Variants in ABHD6 observed in about 807,000 individuals in gnomAD.
ABHD6 encodes abhydrolase domain containing 6, acylglycerol lipase.
ABHD6 carries 33 observed loss-of-function variants against 38.8 expected under a neutral mutation model. That is an observed-to-expected ratio of 0.85 (90% CI 0.64 to 1.14). The LOEUF (loss-of-function observed/expected upper bound fraction) is 1.14, where lower values mean the gene tolerates loss of function less well. ABHD6 is among the 50% of genes most tolerant of loss of function. The pLI is 0.00. For missense variants in ABHD6, 380 were observed against 422.6 expected, an observed-to-expected ratio of 0.90 and a Z score of 0.88; for synonymous variants, 147 against 161.6, an observed-to-expected ratio of 0.91 and a Z score of 0.69.
chr3:58,290,828 G>C (rs953842821), intron 9 of ABHD6, among the ~76,000 whole-genome samples: 1 of 150,194 alleles, frequency 6.7e-6, no homozygotes, highest in Non-Finnish European at 1.5e-5. Flanking sequence ...GATGGCGGCC[G>C]GGAAGAGGCG....
chr3:58,271,764 C>CTTTT (rs1302501356), intron 6 of ABHD6, among the ~76,000 whole-genome samples: 5 of 78,112 alleles, frequency 6.4e-5, no homozygotes, highest in African/African-American at 9.4e-5. Flanking sequence ...CCCCCTCTCT[C>CTTTT]TGTTTTTTTT....
chr3:58,283,021 A>G (rs566828854), intron 7 of ABHD6, among the ~76,000 whole-genome samples: 1 of 152,310 alleles, frequency 6.6e-6, no homozygotes, highest in East Asian at 1.9e-4. Context: ...AGGCTTCATA[A>G]CCCCAAATTA....
rs2097435282 is a variant in ABHD6 at position 58,259,129 on chromosome 3, C to T, written c.119+2424C>T. ...GAGAGAACACAATTCACTGATGTGG[C>T]TCGTAACCATGGATATGGTCACATA... is the stretch of plus-strand genomic sequence containing the variant. On this transcript the variant is annotated intron_variant, in intron 3 of 9. Coordinates refer to ENST00000478253, the MANE Select transcript of ABHD6 (RefSeq NM_001320126.2). The surrounding 1 kb of genome is among the most constrained non-coding windows in gnomAD (Gnocchi z 4.7). Among the ~76,000 whole-genome samples, 1 of 152,144 alleles carries T rather than the reference C, an allele frequency of 6.6e-6. No individual in the cohort carries two copies. The highest frequency in any genetic ancestry group is 1.5e-5 in the Non-Finnish European group (1 of 68,042).
intron 2 of ABHD6, among the ~76,000 whole-genome samples, chr3:58,255,418 A>C (rs2097432561): frequency 6.6e-6 from 1 of 151,224 alleles, no homozygotes; most frequent in Non-Finnish European, 1.5e-5. Flanking sequence ...TCTTGTATCC[A>C]TGTGTACATG....
rs572637157 is a variant in ABHD6 at position 58,257,781 on chromosome 3, TG to T, written c.119+1077del. Among the ~76,000 whole-genome samples the T allele has an allele frequency of 5.7e-4, 86 of 152,210 alleles. No individual in the cohort carries two copies. Among genetic ancestry groups the T allele is most frequent in the Non-Finnish European group, 1.1e-3 (72 of 68,044 alleles). On this transcript the variant is annotated intron_variant, in intron 3 of 9. Transcript: ENST00000478253. The surrounding 1 kb of genome is among the most constrained non-coding windows in gnomAD (Gnocchi z 4.8). ...GTTTAGGACAGAATGCTTTTAGAGT[TG>T]TTCTAGAAGTGTTCATTAGTAAAGA...
intron 7 of ABHD6, among the ~76,000 whole-genome samples, chr3:58,281,257 C>T (rs750700226): frequency 2.0e-5 from 3 of 152,214 alleles, no homozygotes; most frequent in African/African-American, 7.2e-5. Flanking sequence ...TTGCCGAGTT[C>T]GAGCTTCCAG....
intron 6 of ABHD6, among the ~76,000 whole-genome samples, chr3:58,271,598 A>C (rs1312832310): frequency 8.0e-4 from 121 of 152,066 alleles, no homozygotes; most frequent in Non-Finnish European, 1.8e-4. Context: ...TAGTTTCTCT[A>C]CTGTTATATG....
chr3:58,256,779 G>T lies in ABHD6; in HGVS notation c.119+74G>T. ...ATCTTCTCTGCTTGTCCTTTTTGTG[G>T]TTATTGTCCAACATTTTATCAGGAA... On this transcript the variant is annotated intron_variant, in intron 3 of 9. Coordinates refer to ENST00000478253, the MANE Select transcript of ABHD6 (RefSeq NM_001320126.2). This position sits in a 1 kb window ranked among gnomAD's most constrained non-coding sequence, Gnocchi z 4.3. The T allele has an allele frequency of 8.3e-7, 1 of 1,204,068 alleles. No individual in the cohort carries two copies. The highest frequency in any genetic ancestry group is 1.2e-6 in the Non-Finnish European group (1 of 831,174). 74.6% of individuals were successfully genotyped at this position (1,204,068 alleles called of 1,614,324 possible).
intron 2 of ABHD6, among the ~76,000 whole-genome samples, chr3:58,253,087 G>A (rs969897358): frequency 6.6e-6 from 1 of 152,104 alleles, no homozygotes; most frequent in Non-Finnish European, 1.5e-5. Flanking sequence ...TTATTCTGCT[G>A]TTAAATAGAA....
intron 9 of ABHD6, among the ~76,000 whole-genome samples, chr3:58,289,033 G>GT (rs1335167844): frequency 1.3e-5 from 2 of 152,076 alleles, no homozygotes; most frequent in East Asian, 3.9e-4. Flanking sequence ...TTTGATTTTT[G>GT]TTTTTTGTTG....
chr3:58,250,311 C>T (rs1339214719), intron 2 of ABHD6, among the ~76,000 whole-genome samples: 2 of 152,040 alleles, frequency 1.3e-5, no homozygotes, highest in African/African-American at 4.8e-5. Context: ...TGCTCTACAC[C>T]AAGGGGTCAG....
chr3:58,286,852 G>GTATATATATATATATGTATATA (rs2097457594), intron 9 of ABHD6, among the ~76,000 whole-genome samples: 2 of 70,624 alleles, frequency 2.8e-5, no homozygotes, highest in African/African-American at 4.7e-5. Context: ...GTGTGTGTGT[G>GTATATATATATATATGTATATA]TATATATATA....
intron 9 of ABHD6, among the ~76,000 whole-genome samples, chr3:58,288,282 C>T (rs767476919): frequency 6.6e-6 from 1 of 152,198 alleles, no homozygotes; most frequent in Non-Finnish European, 1.5e-5. Flanking sequence ...TCTTTGGACC[C>T]CTGTAGGCTG....
intron 2 of ABHD6, among the ~76,000 whole-genome samples, chr3:58,254,396 C>G (rs1161230451): frequency 1.3e-5 from 2 of 152,204 alleles, no homozygotes; most frequent in African/African-American, 4.8e-5. Flanking sequence ...GCTTTCTCAT[C>G]CAGTGGCAGA....
rs1476869685 is a variant in ABHD6 at position 58,274,687 on chromosome 3, G to A, written c.553G>A (p.Val185Ile). The A allele has an allele frequency of 6.2e-7, 1 of 1,614,104 alleles. No homozygotes were observed. Among genetic ancestry groups the A allele is most frequent in the Non-Finnish European group, 8.5e-7 (1 of 1,180,040 alleles). ...GCAGTACTCAACTGACAATCAATTT[G>A]TACAACGGCTCAAAGAACTGCAGGG... ...GLQYSTDNQF[V>I]QRLKELQGSA... Residue 185 changes from valine to isoleucine, a missense_variant, in exon 7 of 10, where the codon GTA becomes ATA. Coordinates refer to ENST00000478253, the MANE Select transcript of ABHD6 (RefSeq NM_001320126.2).
intron 7 of ABHD6, among the ~76,000 whole-genome samples, chr3:58,279,729 G>A (rs916801925): frequency 3.9e-5 from 6 of 152,120 alleles, no homozygotes; most frequent in Non-Finnish European, 5.9e-5. Context: ...GGCTCATACC[G>A]GTTGTTCCTT....
intron 9 of ABHD6, among the ~76,000 whole-genome samples, chr3:58,286,876 G>GTGTA (rs1559784545): frequency 1.7e-4 from 7 of 42,100 alleles, no homozygotes; most frequent in East Asian, 2.9e-3. Flanking sequence ...ATATGTATAT[G>GTGTA]TATATATAAG....
Position 58,267,157 on chromosome 3 carries a change from T to A in ABHD6, c.120-32T>A. The A allele has an allele frequency of 6.2e-7, 1 of 1,610,570 alleles. No individual in the cohort carries two copies. The highest frequency in any genetic ancestry group is 1.1e-5 in the South Asian group (1 of 90,882). On this transcript the variant is annotated intron_variant, in intron 3 of 9. Transcript: ENST00000478253. The surrounding 1 kb of genome is among the most constrained non-coding windows in gnomAD (Gnocchi z 4.3). ...AGCCACTCATCTAGAGCTTACTGAT[T>A]TCGTTTTGTCTTTATTTCTCACCCC...
Position 58,269,274 on chromosome 3 carries a change from A to G in ABHD6, c.277-47A>G, listed in dbSNP as rs777564275. The G allele has an allele frequency of 6.8e-7, 1 of 1,464,708 alleles. No individual in the cohort carries two copies. The highest frequency in any genetic ancestry group is 9.5e-7 in the Non-Finnish European group (1 of 1,047,840). The allele number at this position is 1,464,708 out of a possible 1,614,324, so 90.7% of individuals were successfully genotyped here. ...CAACCTCCCAAGAAAATGGGCAGACATGTTTTGCACACCACATACTGACTC... is the reference window on the plus strand; with the variant it reads ...CAACCTCCCAAGAAAATGGGCAGACGTGTTTTGCACACCACATACTGACTC... On this transcript the variant is annotated intron_variant, in intron 4 of 9. Coordinates refer to ENST00000478253, the MANE Select transcript of ABHD6 (RefSeq NM_001320126.2). This position sits in a 1 kb window ranked among gnomAD's most constrained non-coding sequence, Gnocchi z 4.4.
Sources: gnomAD v4.1 joint callset for allele counts (sites outside exome capture counted in the v4.1 genomes callset) on GRCh38, gnomAD v4.1.1 for gene constraint, Gnocchi (gnomAD v3.1) non-coding constraint, MANE v1.5 for transcripts, NCBI Gene and HGNC (gene_info 2026-07-23, HGNC 2026-07-21) for gene names.